Variants in YAF2 observed in about 807,000 individuals in gnomAD.
YAF2 encodes the protein YY1 associated factor 2, also known as YY1-associated factor 2.
YAF2 carries 7 observed loss-of-function variants against 20.1 expected under a neutral mutation model. That is an observed-to-expected ratio of 0.35 (90% CI 0.20 to 0.65). The LOEUF (loss-of-function observed/expected upper bound fraction) is 0.65. Among genes scored for constraint, YAF2 ranks in the 30% least tolerant of loss-of-function variants. YAF2 has a pLI of 0.69. For synonymous variants in YAF2, 74 were observed against 76.0 expected (o/e 0.97, Z 0.14); for missense variants, 151 against 219.2 (o/e 0.69, Z 1.96).
intron 2 of YAF2, among the ~76,000 whole-genome samples, chr12:42,230,641 A>G (rs2067958956): frequency 1.3e-5 from 2 of 152,242 alleles, no homozygotes; most frequent in Non-Finnish European, 2.9e-5. Context: ...GAAAAAGGAT[A>G]GATTTAAGAG....
chr12:42,227,680 CG>C (rs1361168245), intron 2 of YAF2, among the ~76,000 whole-genome samples: 2 of 150,180 alleles, frequency 1.3e-5, no homozygotes, highest in Non-Finnish European at 3.0e-5. Context: ...CCTCTCCGCC[CG>C]GCAGCCACCC....
At chr12:42,177,170 C>T (rs2066216896) in intron 2 of YAF2, among the ~76,000 whole-genome samples, 1 of 152,182 alleles carries the variant, frequency 6.6e-6, no homozygotes, top group Non-Finnish European at 1.5e-5. Flanking sequence ...AAAATTATTG[C>T]TCTAGTCCAC....
intron 2 of YAF2, among the ~76,000 whole-genome samples, chr12:42,175,488 C>G (rs1184078834): frequency 6.6e-6 from 1 of 151,094 alleles, no homozygotes; most frequent in African/African-American, 2.4e-5. Context: ...CAAAACTTAA[C>G]ATATTGCATG....
intron 2 of YAF2, chr12:42,235,620 G>C: frequency 6.7e-7 from 1 of 1,488,196 alleles, no homozygotes; most frequent in Non-Finnish European, 8.8e-7. Flanking sequence ...TTACTTTCAG[G>C]AACACAGTGT....
chr12:42,209,605 T>C (rs1427499038), intron 2 of YAF2, among the ~76,000 whole-genome samples: 1 of 138,986 alleles, frequency 7.2e-6, no homozygotes, highest in East Asian at 2.0e-4. Context: ...AGACAATTAA[T>C]ATAAAACTAT....
intron 2 of YAF2, among the ~76,000 whole-genome samples, chr12:42,213,756 TAA>T (rs1313593239): frequency 6.6e-6 from 1 of 152,224 alleles, no homozygotes; most frequent in Non-Finnish European, 1.5e-5. Context: ...TGCCATACCT[TAA>T]AAAGTCTTCA....
intron 2 of YAF2, among the ~76,000 whole-genome samples, chr12:42,173,658 AC>A (rs1368941073): frequency 1.3e-5 from 2 of 152,122 alleles, no homozygotes; most frequent in African/African-American, 4.8e-5. Context: ...GCTTAACCCA[AC>A]AGACTTCTAC....
At chr12:42,224,661 AATG>A (rs1252300866) in intron 2 of YAF2, among the ~76,000 whole-genome samples, 4 of 152,070 alleles carry the variant, frequency 2.6e-5, no homozygotes, top group Admixed American at 2.0e-4. Context: ...GTGTGCTGTA[AATG>A]ATGGTTTCCA....
intron 2 of YAF2, among the ~76,000 whole-genome samples, chr12:42,184,749 T>C (rs1395695521): frequency 6.6e-6 from 1 of 152,218 alleles, no homozygotes; most frequent in Non-Finnish European, 1.5e-5. Flanking sequence ...AGAACATTTG[T>C]GACTCAGGGA....
intron 2 of YAF2, among the ~76,000 whole-genome samples, chr12:42,214,428 T>G (rs545963723): frequency 3.9e-5 from 6 of 152,074 alleles, no homozygotes; most frequent in Admixed American, 6.6e-5. Context: ...CATGCTACCA[T>G]GCCCGGCTAA....
chr12:42,192,823 T>A (rs1478810395), intron 2 of YAF2, among the ~76,000 whole-genome samples: 1 of 152,226 alleles, frequency 6.6e-6, no homozygotes, highest in African/African-American at 2.4e-5. Flanking sequence ...AAGTTACTTT[T>A]AAGCATATAG....
At chr12:42,209,878 A>G (rs2067157248) in intron 2 of YAF2, among the ~76,000 whole-genome samples, 1 of 152,168 alleles carries the variant, frequency 6.6e-6, no homozygotes, top group South Asian at 2.1e-4. Flanking sequence ...AGCTCACCGC[A>G]ACCTCTGCCT....
At chr12:42,176,948 C>T (rs904537663) in intron 2 of YAF2, among the ~76,000 whole-genome samples, 1 of 152,164 alleles carries the variant, frequency 6.6e-6, no homozygotes, top group Admixed American at 6.5e-5. Flanking sequence ...GCCTGGGCAA[C>T]AAAAGCAAAA....
chr12:42,161,313 C>A, intron 3 of YAF2: 1 of 269,008 alleles, frequency 3.7e-6, no homozygotes, highest in Non-Finnish European at 7.0e-6. Flanking sequence ...TGTTGAAAAC[C>A]ACTCCTGGTT....
rs2137477120 is a variant in YAF2, at chr12:42,238,194, C to A, written c.-14G>T. Reference sequence around the variant, plus strand: ...CTTGTCTCCCATGGCTTGGCTATCACCGCACGCCGAGAGTCGCCGCCGCGA... The same window carrying A: ...CTTGTCTCCCATGGCTTGGCTATCAACGCACGCCGAGAGTCGCCGCCGCGA... On this transcript the variant is annotated 5_prime_UTR_variant, in exon 1 of 4. Transcript: ENST00000534854. The A allele has an allele frequency of 6.5e-7, 1 of 1,528,522 alleles. No homozygotes were observed. The highest frequency in any genetic ancestry group is 2.7e-5 in the East Asian group (1 of 37,014). The allele number at this position is 1,528,522 out of a possible 1,614,324, so 94.7% of individuals were successfully genotyped here. A position where few individuals can be genotyped will look rare whatever the true frequency, so the allele number is the denominator to read the frequency against.
At chr12:42,234,544 A>G in intron 2 of YAF2, 3 of 985,434 alleles carry the variant, frequency 3.0e-6, no homozygotes, top group Non-Finnish European at 3.6e-6. Flanking sequence ...GCTACAACAA[A>G]TCATTTTATT....
Position 42,184,726 on chromosome 12 carries a change from C to A in YAF2, c.153-22961G>T, listed in dbSNP as rs75286201. On this transcript the variant is annotated intron_variant, in intron 2 of 3. Coordinates refer to ENST00000534854, the MANE Select transcript of YAF2 (RefSeq NM_005748.6). Reference sequence around the variant, plus strand: ...AACCTTCTGGAAAGGCTTCGCCATTCTAGATGTCATTAAGAACATTTGTGA... The same window carrying A: ...AACCTTCTGGAAAGGCTTCGCCATTATAGATGTCATTAAGAACATTTGTGA... Among the ~76,000 whole-genome samples, 1,291 of 152,256 alleles carry A rather than the reference C, an allele frequency of 8.5e-3. 16 individuals are homozygous for A. The highest frequency in any genetic ancestry group is 0.03 in the African/African-American group (1,235 of 41,540).
Position 42,237,588 on chromosome 12 carries a change from C to A in YAF2, c.152+11G>T. Reference sequence around the variant, plus strand: ...CCGGCCGGCGGCGCGAGGGGCAGGCCCGGGACTCACCGGGTGGAGGTGCCC... The same window carrying A: ...CCGGCCGGCGGCGCGAGGGGCAGGCACGGGACTCACCGGGTGGAGGTGCCC... On this transcript the variant is annotated intron_variant, in intron 2 of 3. Coordinates refer to ENST00000534854, the MANE Select transcript of YAF2 (RefSeq NM_005748.6). 4 of 1,527,900 alleles carry A rather than the reference C, an allele frequency of 2.6e-6. No homozygotes were observed. The highest frequency in any genetic ancestry group is 3.5e-6 in the Non-Finnish European group (4 of 1,136,384). The allele number at this position is 1,527,900 out of a possible 1,614,324, so 94.6% of individuals were successfully genotyped here. A position where few individuals can be genotyped will look rare whatever the true frequency, so the allele number is the denominator to read the frequency against.
rs2137434190 is a variant in YAF2, at chr12:42,233,902, G to T, written c.152+3697C>A. On this transcript the variant is annotated intron_variant, in intron 2 of 3. Coordinates refer to ENST00000534854, the MANE Select transcript of YAF2 (RefSeq NM_005748.6). ...AATCTTCAGATAGGCTGGGCACAGT[G>T]TCTCACTCCTGTAATCCCAGCACTT... is the stretch of plus-strand genomic sequence containing the variant. 6.1e-6 allele frequency: 6 copies of T among 985,420 alleles called. No homozygotes were observed. In the South Asian group the frequency reaches 2.3e-4, roughly 39 times the overall value. 61.0% of individuals were successfully genotyped at this position (985,420 alleles called of 1,614,324 possible).
Sources: gnomAD v4.1 joint callset for allele counts (sites outside exome capture counted in the v4.1 genomes callset) on GRCh38, gnomAD v4.1.1 for gene constraint, MANE v1.5 for transcripts, NCBI Gene and HGNC (gene_info 2026-07-23, HGNC 2026-07-21) for gene names.